PITX1: variants seen among roughly 807,000 people sequenced by gnomAD.
The protein encoded by PITX1 is pituitary homeobox 1.
PITX1 carries 5 observed loss-of-function variants against 24.1 expected under a neutral mutation model. The observed-to-expected ratio is 0.21, with a 90% CI of 0.11 to 0.44. The LOEUF (loss-of-function observed/expected upper bound fraction) is 0.44. PITX1 is among the 20% of genes least tolerant of loss of function. PITX1 has a pLI of 0.99. For missense variants in PITX1, 401 were observed against 455.4 expected (o/e 0.88, Z 1.09); for synonymous variants, 213 against 208.9 (o/e 1.02, Z -0.17).
rs984623044 is a variant in PITX1 at position 135,033,088 on chromosome 5, G to A, written c.169+625C>T. ...GAGCCGGGGCGGGGGCCAGAGCCGG[G>A]CTGCTCCGGGCTTCGGCCGCGCACG... On this transcript the variant is annotated intron_variant, in intron 1 of 2. Transcript: ENST00000265340. The surrounding 1 kb of genome is among the most constrained non-coding windows in gnomAD (Gnocchi z 5.9). 9.7e-6 allele frequency: 4 copies of A among 412,360 alleles called. No homozygotes were observed. Among genetic ancestry groups the A allele is most frequent in the South Asian group, 5.0e-5 (3 of 60,308 alleles). 25.5% of individuals were successfully genotyped at this position (412,360 alleles called of 1,614,324 possible).
rs369693251 is a variant in PITX1 at position 135,029,052 on chromosome 5, G to A, written c.672C>T (p.Thr224=). The A allele has an allele frequency of 3.5e-5, 57 of 1,614,248 alleles. No individual in the cohort carries two copies. Among genetic ancestry groups the A allele is most frequent in the Non-Finnish European group, 4.7e-5 (55 of 1,180,030 alleles). ...FSAPSSISSM[T]MPSSMGPGAV... ...CGCCTGGGCCCATGCTGGACGGCAT[G>A]GTCATGGAGGAGATGGAGCTGGGTG... The change falls in exon 3 of 3, where the codon ACC becomes ACT. Residue 224 remains threonine (T), a synonymous_variant. Transcript: ENST00000265340.
chr5:135,031,252 C>T (rs561163266), intron 2 of PITX1, 24 bp downstream of exon 2: 2 of 1,606,328 alleles, frequency 1.2e-6, no homozygotes, highest in East Asian at 2.2e-5. Flanking sequence ...CGCGGGTGCC[C>T]TTAGGCGCGC....
intron 2 of PITX1, among the ~76,000 whole-genome samples, chr5:135,030,800 G>T (rs1580926687): frequency 1.3e-5 from 2 of 152,314 alleles, no homozygotes; most frequent in Middle Eastern, 6.8e-3. Context: ...CACTGCTCCA[G>T]GAAGTTTTGA....
Position 135,031,275 on chromosome 5 carries a change from C to T in PITX1, c.402+1G>A. On this transcript the variant is annotated splice_donor_variant, in intron 2 of 2. Coordinates refer to ENST00000265340, the MANE Select transcript of PITX1 (RefSeq NM_002653.5). LOFTEE classifies it high-confidence loss of function. ...CCCTTAGGCGCGCACCCCTTGCTCA[C>T]CCGCACGCGCGGCTCGGTGAGGTTG... 1 of 1,613,720 alleles carries T rather than the reference C, an allele frequency of 6.2e-7. No individual in the cohort carries two copies. The highest frequency in any genetic ancestry group is 8.5e-7 in the Non-Finnish European group (1 of 1,179,654).
intron 1 of PITX1, among the ~76,000 whole-genome samples, chr5:135,032,568 A>C (rs1221600421): frequency 6.6e-6 from 1 of 152,232 alleles, no homozygotes; most frequent in Non-Finnish European, 1.5e-5. Flanking sequence ...CCGGAAGAAT[A>C]ATGTTGCATG....
Position 135,033,577 on chromosome 5 carries a change from A to C in PITX1, c.169+136T>G. The C allele has an allele frequency of 2.2e-6, 2 of 916,730 alleles. No homozygotes were observed. Among genetic ancestry groups the C allele is most frequent in the Non-Finnish European group, 3.3e-6 (2 of 605,134 alleles). 56.8% of individuals were successfully genotyped at this position (916,730 alleles called of 1,614,324 possible). On this transcript the variant is annotated intron_variant, in intron 1 of 2. Transcript: ENST00000265340. This position sits in a 1 kb window ranked among gnomAD's most constrained non-coding sequence, Gnocchi z 5.9. ...CGTTCACCGTCAGGTCGAGAACGGG[A>C]AAAAGAAAGCTCCTGACGCTTCTGG... is the stretch of plus-strand genomic sequence containing the variant.
rs1752491545 is a variant in PITX1, at chr5:135,033,202, G to C, written c.169+511C>G. 3.2e-6 allele frequency: 1 copy of C among 316,664 alleles called. No individual in the cohort carries two copies. The highest frequency in any genetic ancestry group is 6.2e-6 in the Non-Finnish European group (1 of 162,564). 19.6% of individuals were successfully genotyped at this position (316,664 alleles called of 1,614,324 possible). Reference sequence around the variant, plus strand: ...CCCGCTCGCCCTCACCGTCCTCTGTGTCTCCCTTCTACTTGATGACCCCTC... The same window carrying C: ...CCCGCTCGCCCTCACCGTCCTCTGTCTCTCCCTTCTACTTGATGACCCCTC... On this transcript the variant is annotated intron_variant, in intron 1 of 2. Coordinates refer to ENST00000265340, the MANE Select transcript of PITX1 (RefSeq NM_002653.5). This position sits in a 1 kb window ranked among gnomAD's most constrained non-coding sequence, Gnocchi z 5.9.
At chr5:135,034,538 G>A (rs1250594309), upstream of PITX1, 1 of 152,208 alleles carries the variant, frequency 6.6e-6, no homozygotes, top group Non-Finnish European at 1.5e-5. Flanking sequence ...AAACGCATCT[G>A]GCCTGCGAGT....
At position 135,029,298 on chromosome 5, in the gene PITX1, G is replaced by T. The variant is rs756617907; in HGVS notation, c.426C>A (p.Ala142=). Residue 142 remains alanine (A), a synonymous_variant, in exon 3 of 3, where the codon GCC becomes GCA. Transcript: ENST00000265340. The part of the protein sequence containing the change: ...RVRVWFKNRR[A]KWRKRERNQQ... Reference sequence around the variant, plus strand: ...GGTTACGCTCGCGCTTACGCCACTTGGCTCGCCGGTTCTTGAACCAGACCT... The same window carrying T: ...GGTTACGCTCGCGCTTACGCCACTTTGCTCGCCGGTTCTTGAACCAGACCT... 6.2e-7 allele frequency: 1 copy of T among 1,601,802 alleles called. No homozygotes were observed. The highest frequency in any genetic ancestry group is 8.5e-7 in the Non-Finnish European group (1 of 1,173,120).
rs760706230 is a variant in PITX1, at chr5:135,029,201, A to G, written c.523T>C (p.Tyr175His). ...TTGTTGTAGGAGTAGCCGGCGGCGT[A>G]CACGTCCTCGTAGGGCTGCACTAGG... ...SGLVQPYEDV[Y>H]AAGYSYNNWA... Residue 175 changes from tyrosine to histidine, a missense_variant, in exon 3 of 3, where the codon TAC (tyrosine) becomes CAC (histidine). Coordinates refer to ENST00000265340, the MANE Select transcript of PITX1 (RefSeq NM_002653.5). 12 of 1,614,072 alleles carry G rather than the reference A, an allele frequency of 7.4e-6. No individual in the cohort carries two copies. Among genetic ancestry groups the G allele is most frequent in the Non-Finnish European group, 1.0e-5 (12 of 1,180,042 alleles).
At position 135,029,131 on chromosome 5, in the gene PITX1, C is replaced by T. The variant is rs1752405075; in HGVS notation, c.593G>A (p.Ser198Asn). Residue 198 changes from serine (S) to asparagine (N), a missense_variant, in exon 3 of 3, where the codon AGC becomes AAC. This residue lies in a region of PITX1 where 217 missense variants were observed against 219.8 expected (regional missense o/e 0.99). Transcript: ENST00000265340. The part of the protein sequence containing the change: ...SLAPAPLSTK[S>N]FTFFNSMSPL... ...GCTCATGGAGTTGAAGAAGGTGAAG[C>T]TCTTGGTGGAGAGCGGCGCTGGCGC... The T allele has an allele frequency of 3.1e-6, 5 of 1,614,222 alleles. No individual in the cohort carries two copies. Among genetic ancestry groups the T allele is most frequent in the Non-Finnish European group, 3.4e-6 (4 of 1,180,040 alleles).
rs2149562724 is a variant in PITX1, at chr5:135,033,660, G to A, written c.169+53C>T. 4 of 1,569,614 alleles carry A rather than the reference G, an allele frequency of 2.5e-6. No individual in the cohort carries two copies. The highest frequency in any genetic ancestry group is 1.4e-5 in the African/African-American group (1 of 73,846). ...CGTCAGGCCCTGCTCCCAGCTCCCC[G>A]TGCTCCGCGCCCGGGTAGGCTCTGT... On this transcript the variant is annotated intron_variant, in intron 1 of 2. Transcript: ENST00000265340. The surrounding 1 kb of genome is among the most constrained non-coding windows in gnomAD (Gnocchi z 5.9).
chr5:135,033,568 G>C lies in PITX1; in HGVS notation c.169+145C>G. 6 of 846,550 alleles carry C rather than the reference G, an allele frequency of 7.1e-6. No individual in the cohort carries two copies. Among genetic ancestry groups the C allele is most frequent in the Non-Finnish European group, 1.1e-5 (6 of 546,210 alleles). 52.4% of individuals were successfully genotyped at this position (846,550 alleles called of 1,614,324 possible). Reference sequence around the variant, plus strand: ...AAGTTTCCGCGTTCACCGTCAGGTCGAGAACGGGAAAAAGAAAGCTCCTGA... The same window carrying C: ...AAGTTTCCGCGTTCACCGTCAGGTCCAGAACGGGAAAAAGAAAGCTCCTGA... On this transcript the variant is annotated intron_variant, in intron 1 of 2. Transcript: ENST00000265340. This position sits in a 1 kb window ranked among gnomAD's most constrained non-coding sequence, Gnocchi z 5.9.
Position 135,028,951 on chromosome 5 carries a change from G to T in PITX1, c.773C>A (p.Ser258Ter), listed in dbSNP as rs1752401043. 6.2e-7 allele frequency: 1 copy of T among 1,614,098 alleles called. No individual in the cohort carries two copies. Among genetic ancestry groups the T allele is most frequent in the Non-Finnish European group, 8.5e-7 (1 of 1,180,000 alleles). Residue 258 changes from serine (S) to a stop codon, truncating the protein, a stop_gained, in exon 3 of 3, where the codon TCG (serine) becomes TAG (stop). Coordinates refer to ENST00000265340, the MANE Select transcript of PITX1 (RefSeq NM_002653.5). LOFTEE classifies it high-confidence loss of function. The part of the protein sequence containing the change: ...LTGSSLNSAM[S>*]PGACPYGTPA... Reference sequence around the variant, plus strand: ...AGTGCCGTACGGGCAAGCGCCCGGCGACATGGCCGAGTTGAGCGAGGAGCC... The same window carrying T: ...AGTGCCGTACGGGCAAGCGCCCGGCTACATGGCCGAGTTGAGCGAGGAGCC...
rs989679028 is a variant in PITX1, at chr5:135,033,747, G to A, written c.135C>T (p.Asn45=). The A allele has an allele frequency of 1.9e-6, 3 of 1,594,948 alleles. No homozygotes were observed. In the African/African-American group the frequency reaches 4.1e-5, roughly 22 times the overall value. Residue 45 remains asparagine (N), a synonymous_variant, in exon 1 of 3, where the codon AAC becomes AAT. Coordinates refer to ENST00000265340, the MANE Select transcript of PITX1 (RefSeq NM_002653.5). The surrounding 1 kb of genome is among the most constrained non-coding windows in gnomAD (Gnocchi z 5.9). ...RPADPREPLE[N]SASESSDTEL... is the part of the protein sequence containing the mutation. ...CCGTGTCAGACGACTCGCTGGCGGA[G>A]TTCTCGAGCGGCTCGCGGGGGTCGG...
rs1260855740 is a variant in PITX1 at position 135,031,422 on chromosome 5, T to G, written c.256A>C (p.Lys86Gln). 1.2e-6 allele frequency: 2 copies of G among 1,613,942 alleles called. No individual in the cohort carries two copies. The highest frequency in any genetic ancestry group is 2.7e-5 in the African/African-American group (2 of 74,916). The change falls in exon 2 of 3, where the codon AAG (lysine) becomes CAG (glutamine). Residue 86 changes from lysine to glutamine, a missense_variant. Physicochemically the swap from Lys to Gln is moderately conservative, Grantham distance 53 (BLOSUM62 1). Around this residue, in one of 3 missense-constraint regions of PITX1, gnomAD observed 136 missense variants for 133.3 expected, o/e 1.02. Coordinates refer to ENST00000265340, the MANE Select transcript of PITX1 (RefSeq NM_002653.5). ...GCGGADDPAK[K>Q]KKQRRQRTHF... ...GTACGTTGCCGCCGCTGCTTCTTCTTCTTGGCTGGGTCGTCTGCGCCGCCG... is the reference window on the plus strand; with the variant it reads ...GTACGTTGCCGCCGCTGCTTCTTCTGCTTGGCTGGGTCGTCTGCGCCGCCG...
chr5:135,033,256 C>G lies in PITX1; in HGVS notation c.169+457G>C. On this transcript the variant is annotated intron_variant, in intron 1 of 2. Transcript: ENST00000265340. The surrounding 1 kb of genome is among the most constrained non-coding windows in gnomAD (Gnocchi z 5.9). Reference sequence around the variant, plus strand: ...CCCCGTTTACCCTTCCCGCCCGCCCCTTCTCTTTGGTCTCTTTCATTCTGT... The same window carrying G: ...CCCCGTTTACCCTTCCCGCCCGCCCGTTCTCTTTGGTCTCTTTCATTCTGT... 1 of 296,774 alleles carries G rather than the reference C, an allele frequency of 3.4e-6. No individual in the cohort carries two copies. The highest frequency in any genetic ancestry group is 2.7e-5 in the South Asian group (1 of 37,516). The allele number at this position is 296,774 out of a possible 1,614,324, so 18.4% of individuals were successfully genotyped here.
rs1318233495 is a variant in PITX1, at chr5:135,027,950, CCAGA to C, written c.*825_*828del. On this transcript the variant is annotated 3_prime_UTR_variant, in exon 3 of 3. Coordinates refer to ENST00000265340, the MANE Select transcript of PITX1 (RefSeq NM_002653.5). ...GGGCGGTGAGGAGGGGGCTGTTCGC[CCAGA>C]CAGAGGGCCACCTCCTAGCCCGGGA... 2.0e-5 allele frequency: 3 copies of C among 152,658 alleles called. No homozygotes were observed. The highest frequency in any genetic ancestry group is 2.9e-5 in the Non-Finnish European group (2 of 68,094). 9.5% of individuals were successfully genotyped at this position (152,658 alleles called of 1,614,324 possible).
intron 1 of PITX1, 156 bp from the exon 2 acceptor site, chr5:135,031,664 C>T (rs762487692): frequency 7.7e-5 from 49 of 640,330 alleles, no homozygotes; most frequent in Non-Finnish European, 1.3e-4. Context: ...AAGCGCCCGC[C>T]GGGTGCTGGT....
Sources: allele counts gnomAD v4.1 joint callset (sites outside exome capture counted in the v4.1 genomes callset), GRCh38; gene constraint gnomAD v4.1.1; regional missense constraint gnomAD v4.1.1; non-coding constraint Gnocchi (gnomAD v3.1); transcripts MANE v1.5; gene names NCBI Gene and HGNC (gene_info 2026-07-23, HGNC 2026-07-21).